ACSS3: variants seen among roughly 807,000 people sequenced by gnomAD.
The protein encoded by ACSS3 is acyl-CoA synthetase short chain family member 3.
Under a neutral mutation model 84.2 loss-of-function variants are expected in ACSS3, and 64 were observed. The ratio of observed to expected loss-of-function variants is 0.76; its 90% confidence interval spans 0.62 to 0.94. ACSS3 has a LOEUF of 0.94. Ranked by LOEUF, ACSS3 falls within the 40% of genes least tolerant of loss-of-function variation. The pLI is 0.00. For synonymous variants in ACSS3, 317 were observed against 310.1 expected, an observed-to-expected ratio of 1.02 and a Z score of -0.23; for missense variants, 815 against 867.6, an observed-to-expected ratio of 0.94 and a Z score of 0.76.
At chr12:81,242,090 G>A (rs2033825885) in intron 13 of ACSS3, among the ~76,000 whole-genome samples, 2 of 152,080 alleles carry the variant, frequency 1.3e-5, no homozygotes, top group Admixed American at 1.3e-4. Context: ...TTATTAAATA[G>A]GGAATCCTTT....
chr12:81,124,589 C>A (rs973659852), intron 2 of ACSS3: 1 of 152,148 alleles, frequency 6.6e-6, no homozygotes, highest in African/African-American at 2.4e-5. Flanking sequence ...ACTGGGACTT[C>A]AATGCTGCAT....
At chr12:81,252,078 A>T (rs1465899527) in intron 13 of ACSS3, among the ~76,000 whole-genome samples, 1 of 151,982 alleles carries the variant, frequency 6.6e-6, no homozygotes, top group Admixed American at 6.6e-5. Context: ...GGTGCCTATG[A>T]AGTCCTTCCC....
intron 2 of ACSS3, among the ~76,000 whole-genome samples, chr12:81,132,373 A>G (rs1345242702): frequency 6.6e-6 from 1 of 152,172 alleles, no homozygotes; most frequent in African/African-American, 2.4e-5. Flanking sequence ...GTATGTGTAC[A>G]GGAATTTATC....
chr12:81,237,787 A>G (rs538772849), intron 13 of ACSS3, among the ~76,000 whole-genome samples: 8 of 151,784 alleles, frequency 5.3e-5, no homozygotes, highest in African/African-American at 1.9e-4. Context: ...ATACAGTTTT[A>G]TATCTTCTTT....
rs553218025 is a variant in ACSS3, at chr12:81,202,582, G to A, written c.1354+3138G>A. ...TACTTTGCTTTATTTCAAATTTCAAGTTTTCTACAGGGTCCCTTTTTCTTG... is the reference window on the plus strand; with the variant it reads ...TACTTTGCTTTATTTCAAATTTCAAATTTTCTACAGGGTCCCTTTTTCTTG... On this transcript the variant is annotated intron_variant, in intron 9 of 15. Transcript: ENST00000548058. Among the ~76,000 whole-genome samples, 730 of 152,152 alleles carry A rather than the reference G, an allele frequency of 4.8e-3. 2 individuals carry two copies. Among genetic ancestry groups the A allele is most frequent in the Middle Eastern group, 0.01 (3 of 294 alleles).
intron 9 of ACSS3, among the ~76,000 whole-genome samples, chr12:81,213,915 T>C (rs2032767374): frequency 1.1e-5 from 1 of 94,444 alleles, no homozygotes; most frequent in Admixed American, 1.1e-4. Context: ...CTTCCTTCCT[T>C]CCTTCCTTCC....
Position 81,256,629 on chromosome 12 carries a change from T to TATG in ACSS3, c.*1708_*1710dup, listed in dbSNP as rs2034308952. The TATG allele has an allele frequency of 6.6e-6, 1 of 152,158 alleles. No individual in the cohort carries two copies. Among genetic ancestry groups the TATG allele is most frequent in the Non-Finnish European group, 1.5e-5 (1 of 68,018 alleles). The allele number at this position is 152,158 out of a possible 1,614,324, so 9.4% of individuals were successfully genotyped here. A position where few individuals can be genotyped will look rare whatever the true frequency, so the allele number is the denominator to read the frequency against. On this transcript the variant is annotated 3_prime_UTR_variant, in exon 16 of 16. Transcript: ENST00000548058. ...CATAATACTCAGGATACATGAAATG[T>TATG]ATGTGAGAGATAAATAGATAATAGA... is the stretch of plus-strand genomic sequence containing the variant.
intron 2 of ACSS3, among the ~76,000 whole-genome samples, chr12:81,123,935 A>G (rs139819672): frequency 4.9e-4 from 75 of 152,306 alleles, no homozygotes; most frequent in African/African-American, 1.8e-3. Flanking sequence ...GGAACATATG[A>G]GTCCATGTAT....
At chr12:81,089,313 G>A (rs1881521404) in intron 1 of ACSS3, among the ~76,000 whole-genome samples, 1 of 151,014 alleles carries the variant, frequency 6.6e-6, no homozygotes, top group African/African-American at 2.4e-5. Flanking sequence ...TTTTTATCTT[G>A]ATCCTAATTC....
intron 7 of ACSS3, among the ~76,000 whole-genome samples, chr12:81,163,287 T>C (rs1463875813): frequency 6.6e-6 from 1 of 152,220 alleles, no homozygotes; most frequent in East Asian, 1.9e-4. Context: ...CAGTGATAGA[T>C]CACATATACA....
intron 2 of ACSS3, among the ~76,000 whole-genome samples, chr12:81,130,329 G>A (rs1489429523): frequency 2.6e-5 from 4 of 152,158 alleles, no homozygotes; most frequent in Non-Finnish European, 5.9e-5. Flanking sequence ...TAACTGGTGT[G>A]AGATAGTATC....
At chr12:81,196,609 C>T (rs1369917509) in intron 8 of ACSS3, among the ~76,000 whole-genome samples, 1 of 151,892 alleles carries the variant, frequency 6.6e-6, no homozygotes, top group Non-Finnish European at 1.5e-5. Flanking sequence ...TAAAGGAATA[C>T]CTGAGGCTGG....
At chr12:81,140,830 TACTTAC>T (rs1392160174) in intron 4 of ACSS3, among the ~76,000 whole-genome samples, 1 of 152,198 alleles carries the variant, frequency 6.6e-6, no homozygotes, top group African/African-American at 2.4e-5. Flanking sequence ...ACATTACATA[TACTTAC>T]AGTATATAAG....
In ACSS3 at chr12:81,139,632, A is replaced by ATT. The variant is rs1555250968; in HGVS notation, c.780+367_780+368insTT. The stretch of plus-strand genomic sequence containing the variant: ...TATATATATATAAAATAATAATAAT[A>ATT]ATAATTATTGTTATTTTTTTTTGAG... On this transcript the variant is annotated intron_variant, in intron 4 of 15. Coordinates refer to ENST00000548058, the MANE Select transcript of ACSS3 (RefSeq NM_024560.4). Among the ~76,000 whole-genome samples the ATT allele has an allele frequency of 4.0e-3, 565 of 140,840 alleles. 7 individuals are homozygous for ATT. The highest frequency in any genetic ancestry group is 0.034 in the Middle Eastern group (9 of 266). The allele number at this position is 140,840 out of a possible 152,430, so 92.4% of individuals were successfully genotyped here.
chr12:81,156,185 AAC>A (rs58156251), intron 7 of ACSS3, among the ~76,000 whole-genome samples: 30,319 of 141,500 alleles, frequency 0.21, 3,229 homozygotes, highest in East Asian at 0.4. Flanking sequence ...TATCCAGGAA[AAC>A]ACACACACAC....
At chr12:81,232,209 T>C (rs1231791698) in intron 12 of ACSS3, among the ~76,000 whole-genome samples, 1 of 151,748 alleles carries the variant, frequency 6.6e-6, no homozygotes, top group Non-Finnish European at 1.5e-5. Flanking sequence ...GGTGGTGAGA[T>C]GATTGATTAT....
At chr12:81,220,132 A>G (rs969566494) in intron 11 of ACSS3, 56 bp downstream of exon 11, 5 of 1,137,794 alleles carry the variant, frequency 4.4e-6, no homozygotes, top group Admixed American at 2.7e-5. Context: ...TGTATATACT[A>G]AGAAAAAATG....
chr12:81,251,180 T>C (rs1472763849), intron 13 of ACSS3, among the ~76,000 whole-genome samples: 2 of 152,152 alleles, frequency 1.3e-5, no homozygotes, highest in African/African-American at 4.8e-5. Context: ...GAAAAGGACC[T>C]TGAAGACAAT....
intron 13 of ACSS3, among the ~76,000 whole-genome samples, chr12:81,238,066 A>G (rs938702508): frequency 2.6e-5 from 4 of 151,708 alleles, no homozygotes; most frequent in Non-Finnish European, 5.9e-5. Flanking sequence ...TTTATCATGA[A>G]TGGGTATTGG....
Sources: gnomAD v4.1 joint callset for allele counts (sites outside exome capture counted in the v4.1 genomes callset) on GRCh38, gnomAD v4.1.1 for gene constraint, MANE v1.5 for transcripts, NCBI Gene and HGNC (gene_info 2026-07-23, HGNC 2026-07-21) for gene names.